The following LONP2 variants were observed in gnomAD, a reference collection of about 807,000 sequenced individuals.
The protein encoded by LONP2 is lon peptidase 2, peroxisomal.
Under a neutral mutation model 85.6 loss-of-function variants are expected in LONP2, and 60 were observed. The ratio of observed to expected loss-of-function variants is 0.70; its 90% CI spans 0.57 to 0.87. The LOEUF (loss-of-function observed/expected upper bound fraction) is 0.87. Ranked by LOEUF, LONP2 falls within the 40% of genes least tolerant of loss-of-function variation. The pLI is 0.00. For missense variants in LONP2, 860 were observed against 1,063.5 expected, an observed-to-expected ratio of 0.81 and a Z score of 2.66; for synonymous variants, 395 against 389.7, an observed-to-expected ratio of 1.01 and a Z score of -0.16.
intron 11 of LONP2, among the ~76,000 whole-genome samples, chr16:48,330,895 C>A (rs1959418301): frequency 6.6e-6 from 1 of 152,202 alleles, no homozygotes; most frequent in Non-Finnish European, 1.5e-5. Flanking sequence ...GCTCTCCCAA[C>A]CCCACTCCCC....
chr16:48,245,922 G>A (rs1399413911), intron 1 of LONP2, among the ~76,000 whole-genome samples: 1 of 152,042 alleles, frequency 6.6e-6, no homozygotes, highest in African/African-American at 2.4e-5. Context: ...TGGAGGTGTT[G>A]TGTTTTCAGT....
At chr16:48,260,212 GT>G (rs1162576982) in intron 4 of LONP2, among the ~76,000 whole-genome samples, 2 of 151,990 alleles carry the variant, frequency 1.3e-5, no homozygotes, top group Admixed American at 6.6e-5. Context: ...TAGTACTTGT[GT>G]TTTTATAAAA....
chr16:48,289,222 G>A (rs529316524), intron 8 of LONP2, among the ~76,000 whole-genome samples: 4 of 152,234 alleles, frequency 2.6e-5, no homozygotes, highest in South Asian at 2.1e-4. Context: ...GGTTGAGGAC[G>A]CGCGCCCATG....
chr16:48,244,348 C>T lies in LONP2; in HGVS notation c.-41C>T. 3 of 1,435,674 alleles carry T rather than the reference C, an allele frequency of 2.1e-6. No individual in the cohort carries two copies. The South Asian group carries it at 4.0e-5, about 19-fold the overall frequency. The allele number at this position is 1,435,674 out of a possible 1,614,324, so 88.9% of individuals were successfully genotyped here. On this transcript the variant is annotated 5_prime_UTR_variant, in exon 1 of 15. Coordinates refer to ENST00000285737, the MANE Select transcript of LONP2 (RefSeq NM_031490.5). ...GGGCAGGCCGGGGGCAGCTGTCTGTCTGGCTCTTTTTGACAGCCCCCAGTG... is the reference window on the plus strand; with the variant it reads ...GGGCAGGCCGGGGGCAGCTGTCTGTTTGGCTCTTTTTGACAGCCCCCAGTG...
At chr16:48,348,880 C>T (rs1960055337) in intron 14 of LONP2, among the ~76,000 whole-genome samples, 1 of 152,088 alleles carries the variant, frequency 6.6e-6, no homozygotes, top group Non-Finnish European at 1.5e-5. Context: ...AATTTGAGGC[C>T]TTGTTCTACT....
At chr16:48,280,374 A>C (rs1358745203) in intron 8 of LONP2, among the ~76,000 whole-genome samples, 3 of 152,238 alleles carry the variant, frequency 2.0e-5, no homozygotes, top group African/African-American at 2.4e-5. Context: ...AGACAGCTTT[A>C]CAAGTAGTAG....
At chr16:48,338,602 A>G (rs1158849740) in intron 12 of LONP2, among the ~76,000 whole-genome samples, 1 of 152,166 alleles carries the variant, frequency 6.6e-6, no homozygotes, top group Admixed American at 6.5e-5. Context: ...AGCTCTTTTG[A>G]ACACATTACA....
At chr16:48,327,361 G>A (rs924777096) in intron 11 of LONP2, among the ~76,000 whole-genome samples, 4 of 152,168 alleles carry the variant, frequency 2.6e-5, no homozygotes, top group African/African-American at 4.8e-5. Context: ...GAAAATAGTC[G>A]AAGTGGGATG....
intron 12 of LONP2, among the ~76,000 whole-genome samples, chr16:48,341,559 A>G (rs1959810064): frequency 1.3e-5 from 2 of 152,118 alleles, no homozygotes; most frequent in Admixed American, 1.3e-4. Flanking sequence ...TCCGTGATCC[A>G]GTCACCTCCC....
chr16:48,293,712 A>G lies in LONP2; in HGVS notation c.1384-2303A>G, dbSNP rs537897734. On this transcript the variant is annotated intron_variant, in intron 8 of 14. Transcript: ENST00000285737. ...GATACTGGGTTAGAAGTGAGAACAG[A>G]TACGTATGGGTATGGGTCATTTTTG... Among the ~76,000 whole-genome samples, 25 of 152,234 alleles carry G rather than the reference A, an allele frequency of 1.6e-4. No homozygotes were observed. In the South Asian group the frequency reaches 5.0e-3, roughly 30 times the overall value.
chr16:48,299,092 A>G (rs1179862297), intron 9 of LONP2, among the ~76,000 whole-genome samples: 3 of 151,346 alleles, frequency 2.0e-5, no homozygotes, highest in South Asian at 2.1e-4. Flanking sequence ...GGGTTTCGCC[A>G]TGTTGCCCAG....
intron 3 of LONP2, among the ~76,000 whole-genome samples, chr16:48,257,691 T>C (rs962815476): frequency 6.6e-6 from 1 of 152,252 alleles, no homozygotes; most frequent in African/African-American, 2.4e-5. Flanking sequence ...TCATATGTTA[T>C]CAGTTTATTT....
At chr16:48,281,544 T>C (rs1364706060) in intron 8 of LONP2, among the ~76,000 whole-genome samples, 1 of 152,186 alleles carries the variant, frequency 6.6e-6, no homozygotes, top group Non-Finnish European at 1.5e-5. Flanking sequence ...TACAGAATTA[T>C]TTTCTTACCA....
chr16:48,274,249 G>A (rs994800384), intron 7 of LONP2, among the ~76,000 whole-genome samples: 1 of 152,024 alleles, frequency 6.6e-6, no homozygotes, highest in African/African-American at 2.4e-5. Flanking sequence ...TCGAATACGG[G>A]CCTCTGGCAT....
At chr16:48,348,329 T>G in intron 14 of LONP2, 39 bp downstream of exon 14, 2 of 1,287,460 alleles carry the variant, frequency 1.6e-6, no homozygotes, top group Non-Finnish European at 2.0e-6. Flanking sequence ...TATTTTTTAT[T>G]TAATTTTTGA....
rs947726206 is a variant in LONP2 at position 48,356,564 on chromosome 16, A to G, written c.*4762A>G. The G allele has an allele frequency of 3.6e-5, 6 of 165,768 alleles. No homozygotes were observed. The highest frequency in any genetic ancestry group is 1.4e-4 in the African/African-American group (6 of 41,524). The allele number at this position is 165,768 out of a possible 1,614,324, so 10.3% of individuals were successfully genotyped here. A position where few individuals can be genotyped will look rare whatever the true frequency, so the allele number is the denominator to read the frequency against. On this transcript the variant is annotated 3_prime_UTR_variant, in exon 15 of 15. Coordinates refer to ENST00000285737, the MANE Select transcript of LONP2 (RefSeq NM_031490.5). ...CAGTTAGTCATTATCCAATTTGATG[A>G]TTTATGGTCCAACACTAATGCTCAT...
intron 11 of LONP2, among the ~76,000 whole-genome samples, chr16:48,306,946 AAAT>A (rs1452926710): frequency 2.0e-5 from 3 of 152,208 alleles, no homozygotes; most frequent in Non-Finnish European, 4.4e-5. Flanking sequence ...GACAGAAAAA[AAAT>A]AATAAGGCTG....
At chr16:48,310,839 T>G (rs1973015393) in intron 11 of LONP2, among the ~76,000 whole-genome samples, 1 of 152,234 alleles carries the variant, frequency 6.6e-6, no homozygotes, top group Admixed American at 6.5e-5. Context: ...TAAATATTTC[T>G]CATAGGACCA....
chr16:48,262,891 C>G lies in LONP2; in HGVS notation c.982+19C>G. The G allele has an allele frequency of 1.3e-6, 2 of 1,498,478 alleles. No individual in the cohort carries two copies. The allele number at this position is 1,498,478 out of a possible 1,614,324, so 92.8% of individuals were successfully genotyped here. A position where few individuals can be genotyped will look rare whatever the true frequency, so the allele number is the denominator to read the frequency against. The stretch of plus-strand genomic sequence containing the variant: ...ACAACTGGTAAGCCAAAAAATAACA[C>G]CTGTTTTGCAGTCTAATTGTCACTC... On this transcript the variant is annotated intron_variant, in intron 6 of 14. Transcript: ENST00000285737.
Sources: allele counts gnomAD v4.1 joint callset (sites outside exome capture counted in the v4.1 genomes callset), GRCh38; gene constraint gnomAD v4.1.1; transcripts MANE v1.5; gene names NCBI Gene and HGNC (gene_info 2026-07-23, HGNC 2026-07-21).